The following ADARB2 variants were observed in gnomAD, a reference collection of about 807,000 sequenced individuals.
The protein encoded by ADARB2 is inactive double-stranded RNA-specific editase B2.
ADARB2 carries 25 observed loss-of-function variants against 62.2 expected under a neutral mutation model. The observed-to-expected ratio is 0.40, with a 90% confidence interval of 0.29 to 0.56. ADARB2 has a LOEUF of 0.56. Among genes scored for constraint, ADARB2 ranks in the 20% least tolerant of loss-of-function variants. ADARB2 has a pLI of 0.43. For synonymous variants in ADARB2, 572 were observed against 500.8 expected (o/e 1.14, Z -1.90); for missense variants, 1,071 against 1,077.4 (o/e 0.99, Z 0.08).
In ADARB2 at chr10:1,254,792, G is replaced by A. The variant is rs1030285061; in HGVS notation, c.1193-12493C>T. Among the ~76,000 whole-genome samples, 9 of 152,324 alleles carry A rather than the reference G, an allele frequency of 5.9e-5. No individual in the cohort carries two copies. The East Asian group carries it at 7.7e-4, about 13-fold the overall frequency. On this transcript the variant is annotated intron_variant, in intron 4 of 9. Transcript: ENST00000381312. ...AATCAAGGGGCAGTTTCTCTTGAGC[G>A]TTGCACACATATGGTGCTCAATAGA...
chr10:1,458,838 ACGGAACAAACAC>A (rs368434427), intron 1 of ADARB2, among the ~76,000 whole-genome samples: 40,324 of 152,202 alleles, frequency 0.26, 5,616 homozygotes, highest in East Asian at 0.49. Context: ...TACAAGTGTG[ACGGAACAAACAC>A]TCGACGGAAC....
intron 1 of ADARB2, among the ~76,000 whole-genome samples, chr10:1,496,500 C>G (rs1045957757): frequency 7.9e-5 from 12 of 152,022 alleles, no homozygotes; most frequent in South Asian, 2.1e-4. Context: ...ATCACCATAT[C>G]ATTGTCATGA....
chr10:1,497,518 A>G (rs1227071673), intron 1 of ADARB2, among the ~76,000 whole-genome samples: 1 of 152,208 alleles, frequency 6.6e-6, no homozygotes, highest in Non-Finnish European at 1.5e-5. Flanking sequence ...CTAATTCATC[A>G]GTTCCTCTCA....
At chr10:1,549,514 G>C (rs922018917) in intron 1 of ADARB2, among the ~76,000 whole-genome samples, 2 of 152,060 alleles carry the variant, frequency 1.3e-5, no homozygotes, top group South Asian at 4.2e-4. Context: ...CCACCCAGTG[G>C]CATGGATTTG....
chr10:1,664,895 G>A (rs1230731680), intron 1 of ADARB2, among the ~76,000 whole-genome samples: 7 of 152,290 alleles, frequency 4.6e-5, no homozygotes, highest in African/African-American at 1.7e-4. Context: ...GGGCTTAATT[G>A]CTTAGAATGA....
chr10:1,709,980 A>G (rs1029483619), intron 1 of ADARB2, among the ~76,000 whole-genome samples: 3 of 152,192 alleles, frequency 2.0e-5, no homozygotes, highest in Non-Finnish European at 4.4e-5. Flanking sequence ...CTTCCTGGTC[A>G]TTTTATGTGC....
At chr10:1,456,923 T>C (rs1831102957) in intron 1 of ADARB2, among the ~76,000 whole-genome samples, 1 of 151,990 alleles carries the variant, frequency 6.6e-6, no homozygotes, top group South Asian at 2.1e-4. Flanking sequence ...ACCTCCCGAG[T>C]AGCTGAGATT....
chr10:1,476,757 G>A (rs1017146198), intron 1 of ADARB2, among the ~76,000 whole-genome samples: 10 of 152,200 alleles, frequency 6.6e-5, no homozygotes, highest in East Asian at 3.9e-4. Flanking sequence ...ATCCAGGGAG[G>A]CAGAGGCGTC....
chr10:1,439,124 T>C (rs1270375242), intron 1 of ADARB2, among the ~76,000 whole-genome samples: 61 of 94,842 alleles, frequency 6.4e-4, no homozygotes, highest in Admixed American at 9.7e-4. Context: ...CTACGGGGCT[T>C]CTGAGTCTCT....
intron 1 of ADARB2, among the ~76,000 whole-genome samples, chr10:1,440,949 G>A (rs1415745118): frequency 6.6e-6 from 1 of 152,180 alleles, no homozygotes; most frequent in Non-Finnish European, 1.5e-5. Flanking sequence ...TAGACCTAGA[G>A]GAATGAATAG....
intron 4 of ADARB2, among the ~76,000 whole-genome samples, chr10:1,262,202 T>G (rs1483077350): frequency 1.4e-5 from 2 of 141,370 alleles, no homozygotes; most frequent in African/African-American, 2.8e-5. Flanking sequence ...AGATGACGAG[T>G]TAGTGGGTGC....
chr10:1,259,043 A>G (rs947009974), intron 4 of ADARB2, among the ~76,000 whole-genome samples: 5 of 152,246 alleles, frequency 3.3e-5, no homozygotes, highest in Admixed American at 6.5e-5. Flanking sequence ...CTGCTCCTGA[A>G]TGACTACTGG....
At chr10:1,307,565 C>T (rs1321078817) in intron 3 of ADARB2, among the ~76,000 whole-genome samples, 1 of 143,810 alleles carries the variant, frequency 7.0e-6, no homozygotes, top group Non-Finnish European at 1.5e-5. Context: ...TTTGACCCAG[C>T]CATCCCATTA....
intron 1 of ADARB2, among the ~76,000 whole-genome samples, chr10:1,567,877 C>T (rs1350678902): frequency 6.6e-6 from 1 of 152,186 alleles, no homozygotes; most frequent in Admixed American, 6.5e-5. Flanking sequence ...AGCAGCCAGA[C>T]AGGCCCGGGA....
chr10:1,630,148 A>G (rs1178034597), intron 1 of ADARB2, among the ~76,000 whole-genome samples: 8 of 152,208 alleles, frequency 5.3e-5, no homozygotes, highest in Non-Finnish European at 1.5e-5. Context: ...TCTTAGAAAT[A>G]GGAGATAATT....
In ADARB2 at chr10:1,460,941, A is replaced by G. The variant is rs191654142; in HGVS notation, c.101-81781T>C. Among the ~76,000 whole-genome samples the G allele has an allele frequency of 3.0e-3, 451 of 151,324 alleles. 9 individuals are homozygous for G. The highest frequency in any genetic ancestry group is 4.8e-3 in the Non-Finnish European group (325 of 67,534). The stretch of plus-strand genomic sequence containing the variant: ...GAGTTTACCTGCGTAACAAACCTGC[A>G]CATGGACCCCTGAACTTAAAAGTTA... On this transcript the variant is annotated intron_variant, in intron 1 of 9. Coordinates refer to ENST00000381312, the MANE Select transcript of ADARB2 (RefSeq NM_018702.4).
At chr10:1,564,044 G>A (rs1276826170) in intron 1 of ADARB2, among the ~76,000 whole-genome samples, 1 of 151,090 alleles carries the variant, frequency 6.6e-6, no homozygotes, top group African/African-American at 2.4e-5. Flanking sequence ...TGGACATTTG[G>A]GTTGGTTCCA....
At chr10:1,337,127 G>A (rs1564261173) in intron 3 of ADARB2, among the ~76,000 whole-genome samples, 1 of 151,194 alleles carries the variant, frequency 6.6e-6, no homozygotes, top group African/African-American at 2.4e-5. Flanking sequence ...TTTTCCAAAG[G>A]TCACTTAATT....
At chr10:1,546,144 C>A (rs1832516105) in intron 1 of ADARB2, among the ~76,000 whole-genome samples, 1 of 152,172 alleles carries the variant, frequency 6.6e-6, no homozygotes, top group Non-Finnish European at 1.5e-5. Context: ...CTCCCCCTAA[C>A]TCTCCCTGGT....
Sources: gnomAD v4.1 joint callset for allele counts (sites outside exome capture counted in the v4.1 genomes callset) on GRCh38, gnomAD v4.1.1 for gene constraint, MANE v1.5 for transcripts, NCBI Gene and HGNC (gene_info 2026-07-23, HGNC 2026-07-21) for gene names.